GRIP1: variants seen among roughly 807,000 people sequenced by gnomAD.
The protein encoded by GRIP1 is glutamate receptor interacting protein 1.
In GRIP1, 45 loss-of-function variants were observed where a neutral mutation model predicts 129.9. The ratio of observed to expected loss-of-function variants is 0.35; its 90% CI spans 0.27 to 0.44. The LOEUF is 0.44. GRIP1 is among the 20% of genes least tolerant of loss of function. The pLI, the probability that GRIP1 is intolerant of heterozygous loss-of-function variation, is 1.00. For missense variants in GRIP1, 1,196 were observed against 1,396.8 expected (o/e 0.86, Z 2.29); for synonymous variants, 530 against 520.8 (o/e 1.02, Z -0.24).
At chr12:66,816,656 T>C (rs1264052952) in intron 1 of GRIP1, among the ~76,000 whole-genome samples, 1 of 152,206 alleles carries the variant, frequency 6.6e-6, no homozygotes, top group Non-Finnish European at 1.5e-5. Flanking sequence ...GAGACTACCA[T>C]TTTAAAATAT....
chr12:66,675,021 G>T (rs1470660904), intron 1 of GRIP1, among the ~76,000 whole-genome samples: 1 of 152,144 alleles, frequency 6.6e-6, no homozygotes, highest in Non-Finnish European at 1.5e-5. Context: ...AAGGGACAGG[G>T]AGAGTTAATT....
chr12:66,743,055 C>T (rs1284645259), intron 1 of GRIP1, among the ~76,000 whole-genome samples: 2 of 151,918 alleles, frequency 1.3e-5, no homozygotes, highest in African/African-American at 2.4e-5. Flanking sequence ...AACAAGCAGC[C>T]GTCCAAAACC....
intron 19 of GRIP1, among the ~76,000 whole-genome samples, chr12:66,389,126 CCTG>C (rs1179881735): frequency 6.6e-6 from 1 of 152,156 alleles, no homozygotes; most frequent in Non-Finnish European, 1.5e-5. Context: ...AGGCAGAGAG[CCTG>C]CTGAGAGGCT....
At chr12:67,035,866 T>A (rs181520668) in intron 1 of GRIP1, among the ~76,000 whole-genome samples, 11 of 152,304 alleles carry the variant, frequency 7.2e-5, no homozygotes, top group Admixed American at 3.9e-4. Flanking sequence ...ATTTTTAACT[T>A]CTTAGTGCTG....
intron 1 of GRIP1, among the ~76,000 whole-genome samples, chr12:67,045,090 T>C (rs2043233641): frequency 6.6e-6 from 1 of 152,186 alleles, no homozygotes; most frequent in Non-Finnish European, 1.5e-5. Context: ...TCAACACTAC[T>C]TGAGCTAAGC....
chr12:66,942,353 A>G (rs1158597460), intron 1 of GRIP1, among the ~76,000 whole-genome samples: 1 of 151,908 alleles, frequency 6.6e-6, no homozygotes, highest in Admixed American at 6.6e-5. Context: ...TTCTTCATTC[A>G]CAAAACTACA....
intron 7 of GRIP1, among the ~76,000 whole-genome samples, chr12:66,491,645 G>A (rs1463627451): frequency 2.0e-5 from 3 of 151,946 alleles, no homozygotes. Flanking sequence ...AAAAATAAGA[G>A]CAAAAACAAA....
intron 1 of GRIP1, among the ~76,000 whole-genome samples, chr12:67,032,949 T>C: frequency 6.6e-6 from 1 of 152,102 alleles, no homozygotes; most frequent in Non-Finnish European, 1.5e-5. Flanking sequence ...ATTTAAATAA[T>C]TTACATTATT....
Position 66,897,638 on chromosome 12 carries a change from CA to C in GRIP1, c.58+171411del, listed in dbSNP as rs570605408. On this transcript the variant is annotated intron_variant, in intron 1 of 1. Transcript: ENST00000643019. ...GGTTTTCTCTAAATAGAGATTTTCA[CA>C]AACAGTTGATGAAATGGCAGTACAC... Among the ~76,000 whole-genome samples, 4 of 152,286 alleles carry C rather than the reference CA, an allele frequency of 2.6e-5. No homozygotes were observed. The South Asian group carries it at 8.3e-4, about 32-fold the overall frequency.
intron 23 of GRIP1, among the ~76,000 whole-genome samples, chr12:66,369,722 G>A (rs1231193895): frequency 6.6e-6 from 1 of 152,098 alleles, no homozygotes; most frequent in Non-Finnish European, 1.5e-5. Flanking sequence ...AGAGGGGAAG[G>A]CAGTGTTCAC....
At chr12:66,355,209 A>G (rs2054423373) in intron 23 of GRIP1, among the ~76,000 whole-genome samples, 1 of 152,044 alleles carries the variant, frequency 6.6e-6, no homozygotes, top group Non-Finnish European at 1.5e-5. Context: ...TCATTCCATC[A>G]TTGTGTGTGC....
At chr12:66,527,133 C>G (rs199921975) in intron 5 of GRIP1, among the ~76,000 whole-genome samples, 1,798 of 146,982 alleles carry the variant, frequency 0.012, 38 homozygotes, top group East Asian at 0.1. Flanking sequence ...CCTCAGGGAT[C>G]TAGAACTAGA....
intron 1 of GRIP1, among the ~76,000 whole-genome samples, chr12:66,932,684 T>C (rs548724750): frequency 6.6e-6 from 1 of 152,296 alleles, no homozygotes; most frequent in African/African-American, 2.4e-5. Context: ...TTTTTTGTTT[T>C]TTTAGATGGA....
intron 19 of GRIP1, among the ~76,000 whole-genome samples, chr12:66,388,485 GT>G (rs34877191): frequency 0.088 from 13,381 of 152,220 alleles, 777 homozygotes; most frequent in Non-Finnish European, 0.13. Flanking sequence ...GTCTCCTCTT[GT>G]ATTGACCTTT....
intron 1 of GRIP1, among the ~76,000 whole-genome samples, chr12:66,781,538 T>C (rs1227149951): frequency 2.0e-5 from 3 of 152,232 alleles, no homozygotes; most frequent in Non-Finnish European, 4.4e-5. Context: ...GTTTTCTTAT[T>C]ACACTCATAG....
intron 1 of GRIP1, among the ~76,000 whole-genome samples, chr12:67,064,499 GACTGT>G (rs2043588320): frequency 6.6e-6 from 1 of 152,176 alleles, no homozygotes; most frequent in South Asian, 2.1e-4. Context: ...CATGTTATAA[GACTGT>G]ACCAAATAAT....
chr12:66,508,925 G>C (rs1174129452), intron 7 of GRIP1, among the ~76,000 whole-genome samples: 1 of 152,168 alleles, frequency 6.6e-6, no homozygotes, highest in Non-Finnish European at 1.5e-5. Context: ...TACAGATTTG[G>C]CACAATCTTC....
chr12:66,408,903 G>A (rs1173020964), intron 15 of GRIP1, among the ~76,000 whole-genome samples: 1 of 152,114 alleles, frequency 6.6e-6, no homozygotes, highest in African/African-American at 2.4e-5. Flanking sequence ...TACTTGCCAT[G>A]GGCCTGGAGC....
At chr12:66,639,922 C>A (rs1276192484) in intron 1 of GRIP1, among the ~76,000 whole-genome samples, 1 of 152,174 alleles carries the variant, frequency 6.6e-6, no homozygotes. Context: ...AATTAAACAA[C>A]ATCATTCTCT....
Sources: allele counts gnomAD v4.1 joint callset (sites outside exome capture counted in the v4.1 genomes callset), GRCh38; gene constraint gnomAD v4.1.1; transcripts MANE v1.5; gene names NCBI Gene and HGNC (gene_info 2026-07-23, HGNC 2026-07-21).